Variants in PDCD11 observed in about 807,000 individuals in gnomAD.
PDCD11 encodes the protein programmed cell death 11, also known as protein RRP5 homolog.
A neutral mutation model predicts 198.9 loss-of-function variants in PDCD11; 97 were observed. The observed-to-expected ratio is 0.49, with a 90% confidence interval of 0.41 to 0.58. The LOEUF is 0.58. Among genes scored for constraint, PDCD11 ranks in the 20% least tolerant of loss-of-function variants. The pLI is 0.00. For missense variants in PDCD11, 2,102 were observed against 2,312.7 expected (o/e 0.91, Z 1.87); for synonymous variants, 893 against 918.0 (o/e 0.97, Z 0.49).
At chr10:103,438,588 A>G (rs2032248366) in intron 26 of PDCD11, 98 bp from the exon 27 acceptor site, 2 of 1,493,530 alleles carry the variant, frequency 1.3e-6, no homozygotes. Flanking sequence ...GTCCAGAGTC[A>G]TATTCTTATT....
intron 22 of PDCD11, among the ~76,000 whole-genome samples, chr10:103,433,470 C>T (rs969620749): frequency 3.9e-5 from 6 of 151,998 alleles, no homozygotes; most frequent in Non-Finnish European, 8.8e-5. Context: ...ACACTCCAGC[C>T]TAGGAGACAG....
In PDCD11 at chr10:103,444,065, G is replaced by C. The variant is rs766827841; in HGVS notation, c.5275G>C (p.Glu1759Gln). 2.5e-6 allele frequency: 4 copies of C among 1,610,830 alleles called. No homozygotes were observed. The South Asian group carries it at 4.4e-5, about 18-fold the overall frequency. The change falls in exon 34 of 36, where the codon GAG becomes CAG. Residue 1759 changes from glutamate (E) to glutamine (Q), a missense_variant. Glu to Gln is a conservative substitution (Grantham distance 29). Transcript: ENST00000369797. ...AGCCCTGGAGTGCCTGCCTAGCAAG[G>C]AGCGTGAGTGCTCATTCCCAGCTCC... ...QRALECLPSK[E>Q]HVDVIAKFAQ...
intron 17 of PDCD11, among the ~76,000 whole-genome samples, chr10:103,422,242 G>A (rs893365930): frequency 6.6e-6 from 1 of 151,338 alleles, no homozygotes; most frequent in Non-Finnish European, 1.5e-5. Flanking sequence ...CACCATGTCT[G>A]GCTAATTTTT....
Position 103,446,126 on chromosome 10 carries a change from T to G in PDCD11, c.*577T>G, listed in dbSNP as rs1336407564. The G allele has an allele frequency of 1.9e-5, 3 of 154,664 alleles. No individual in the cohort carries two copies. Among genetic ancestry groups the G allele is most frequent in the African/African-American group, 7.2e-5 (3 of 41,448 alleles). 9.6% of individuals were successfully genotyped at this position (154,664 alleles called of 1,614,324 possible). A position where few individuals can be genotyped will look rare whatever the true frequency, so the allele number is the denominator to read the frequency against. On this transcript the variant is annotated 3_prime_UTR_variant, in exon 36 of 36. Transcript: ENST00000369797. ...GGGCTGCTGAGGAAAGCCACGGGTG[T>G]TGGCGTGAACTGATGATGTCTCATC...
chr10:103,408,466 A>G (rs2030595166), intron 7 of PDCD11, among the ~76,000 whole-genome samples: 2 of 152,154 alleles, frequency 1.3e-5, no homozygotes, highest in Non-Finnish European at 2.9e-5. Context: ...GTGAGGTACT[A>G]AAAAACTGTG....
chr10:103,432,728 G>T lies in PDCD11; in HGVS notation c.3474+494G>T, dbSNP rs59961207. ...GAATAATACCTCTCCATTGTTGCCA[G>T]ATTCCTCTTCGATGAGCATCTTTGA... On this transcript the variant is annotated intron_variant, in intron 22 of 35. Transcript: ENST00000369797. 1.6e-3 allele frequency among the ~76,000 whole-genome samples: 251 copies of T among 152,302 alleles called. 5 individuals are homozygous for T. In the East Asian group the frequency reaches 0.038, roughly 23 times the overall value.
chr10:103,435,856 TAA>T (rs1380872148), intron 25 of PDCD11, among the ~76,000 whole-genome samples: 3 of 152,146 alleles, frequency 2.0e-5, no homozygotes, highest in Non-Finnish European at 4.4e-5. Flanking sequence ...GTTTGGTAAA[TAA>T]ATTCCTAGAA....
Position 103,423,111 on chromosome 10 carries a change from T to C in PDCD11, c.2621T>C (p.Leu874Pro). The C allele has an allele frequency of 1.3e-6, 2 of 1,592,370 alleles. No homozygotes were observed. Among genetic ancestry groups the C allele is most frequent in the African/African-American group, 1.4e-5 (1 of 74,016 alleles). ...GGGGGTCCAGTGCCCGACCTGGTCC[T>C]GAAAGCCAGCAGATACCATCGCGCA... ...FSGGPVPDLV[L>P]KASRYHRAGQ... The change falls in exon 18 of 36, where the codon CTG becomes CCG. Residue 874 changes from leucine to proline, a missense_variant. Coordinates refer to ENST00000369797, the MANE Select transcript of PDCD11 (RefSeq NM_014976.2).
chr10:103,440,741 T>G lies in PDCD11; in HGVS notation c.4448T>G (p.Val1483Gly), dbSNP rs1042733505. 5 of 1,613,608 alleles carry G rather than the reference T, an allele frequency of 3.1e-6. No homozygotes were observed. Among genetic ancestry groups the G allele is most frequent in the Non-Finnish European group, 4.2e-6 (5 of 1,179,918 alleles). ...CRESGSEQER[V>G]SKKPKKAGLS... ...TCCCACCTGGCCTCTCAGGAAAGAG[T>G]GAGCAAGAAGCCAAAGAAAGCCGGC... Residue 1483 changes from valine (V) to glycine (G), a missense_variant, in exon 30 of 36, where the codon GTG becomes GGG. Val to Gly is a moderately radical substitution (Grantham distance 109). Transcript: ENST00000369797.
chr10:103,422,758 G>T (rs1435698498), intron 17 of PDCD11, among the ~76,000 whole-genome samples: 1 of 152,120 alleles, frequency 6.6e-6, no homozygotes, highest in Non-Finnish European at 1.5e-5. Context: ...GGTATTTGTT[G>T]GCTACTCCCA....
intron 3 of PDCD11, among the ~76,000 whole-genome samples, chr10:103,402,844 G>A (rs1001244187): frequency 1.3e-5 from 2 of 152,076 alleles, no homozygotes; most frequent in African/African-American, 4.8e-5. Context: ...TGGCTCAAGC[G>A]ATCCACTCAC....
rs890650598 is a variant in PDCD11 at position 103,434,559 on chromosome 10, G to A, written c.3667+209G>A. The stretch of plus-strand genomic sequence containing the variant: ...CTCTGAGTTACCTTTACCTATACAG[G>A]TTACCCTTACCTACACAGGTGTTTT... On this transcript the variant is annotated intron_variant, in intron 24 of 35. Transcript: ENST00000369797. 3.9e-5 allele frequency: 23 copies of A among 595,342 alleles called. 1 individual carries two copies. Among genetic ancestry groups the A allele is most frequent in the Non-Finnish European group, 6.5e-5 (22 of 337,076 alleles). 36.9% of individuals were successfully genotyped at this position (595,342 alleles called of 1,614,324 possible).
chr10:103,413,689 G>A (rs376896206), intron 9 of PDCD11, among the ~76,000 whole-genome samples: 1 of 152,158 alleles, frequency 6.6e-6, no homozygotes, highest in East Asian at 1.9e-4. Flanking sequence ...TAGACAGTAC[G>A]TAAATGAACA....
intron 18 of PDCD11, 104 bp from the exon 19 acceptor site, chr10:103,423,439 T>C: frequency 3.5e-6 from 3 of 859,520 alleles, no homozygotes; most frequent in Non-Finnish European, 5.8e-6. Flanking sequence ...ACATGTGTCC[T>C]CTTTGCTTTT....
rs751376143 is a variant in PDCD11 at position 103,438,062 on chromosome 10, G to C, written c.3893G>C (p.Arg1298Pro). 6.2e-7 allele frequency: 1 copy of C among 1,613,370 alleles called. No individual in the cohort carries two copies. The highest frequency in any genetic ancestry group is 1.1e-5 in the South Asian group (1 of 91,060). Reference protein sequence around the residue: ...TADNVLTLSLRSSRTNPETKS... With the variant: ...TADNVLTLSLPSSRTNPETKS... Reference sequence around the variant, plus strand: ...GACAACGTATTGACTTTGTCGCTGCGATCATCCAGGTGGGTTTCTGTGTTG... The same window carrying C: ...GACAACGTATTGACTTTGTCGCTGCCATCATCCAGGTGGGTTTCTGTGTTG... The change falls in exon 26 of 36, where the codon CGA becomes CCA. Residue 1298 changes from arginine (R) to proline (P), a missense_variant. By Grantham distance (103) the Arg-to-Pro change is moderately radical (BLOSUM62 -2). Coordinates refer to ENST00000369797, the MANE Select transcript of PDCD11 (RefSeq NM_014976.2).
chr10:103,442,031 T>C (rs2032405638), intron 31 of PDCD11, 56 bp downstream of exon 31: 5 of 1,602,572 alleles, frequency 3.1e-6, no homozygotes, highest in South Asian at 1.1e-5. Flanking sequence ...TGTCAGTCTC[T>C]TGTGCTCTGT....
At chr10:103,423,801 C>T (rs181205004) in intron 19 of PDCD11, 143 bp downstream of exon 19, 550 of 638,524 alleles carry the variant, frequency 8.6e-4, no homozygotes, top group African/African-American at 7.6e-3. Flanking sequence ...CGGTTTAGAC[C>T]TCTTGTCCTG....
At chr10:103,425,986 T>C (rs2031678595) in intron 20 of PDCD11, among the ~76,000 whole-genome samples, 1 of 152,212 alleles carries the variant, frequency 6.6e-6, no homozygotes, top group Non-Finnish European at 1.5e-5. Flanking sequence ...ATATGGAATA[T>C]ATGGTGTGGT....
chr10:103,442,393 C>A lies in PDCD11; in HGVS notation c.4888C>A (p.Leu1630Met), dbSNP rs565298557. 3 of 1,614,084 alleles carry A rather than the reference C, an allele frequency of 1.9e-6. No individual in the cohort carries two copies. In the Admixed American group the frequency reaches 5.0e-5, roughly 27 times the overall value. Residue 1630 changes from leucine to methionine, a missense_variant, in exon 32 of 36, where the codon CTG (leucine) becomes ATG (methionine). Leu to Met is a conservative substitution (Grantham distance 15). Transcript: ENST00000369797. ...GTGGCTGCAGTACATGGCTTTCCAC[C>A]TGCAGGCCACGGAGATCGAGAAGGC... is the stretch of plus-strand genomic sequence containing the variant. ...ILWLQYMAFH[L>M]QATEIEKARA...
Sources: allele counts gnomAD v4.1 joint callset (sites outside exome capture counted in the v4.1 genomes callset), GRCh38; gene constraint gnomAD v4.1.1; transcripts MANE v1.5; gene names NCBI Gene and HGNC (gene_info 2026-07-23, HGNC 2026-07-21).